The following MAN1C1 variants were observed in gnomAD, a reference collection of about 807,000 sequenced individuals.
MAN1C1 encodes mannosyl-oligosaccharide 1,2-alpha-mannosidase IC.
Under a neutral mutation model 71.5 loss-of-function variants are expected in MAN1C1, and 49 were observed. The ratio of observed to expected loss-of-function variants is 0.69; its 90% CI spans 0.54 to 0.87. The LOEUF is 0.87. Ranked by LOEUF, MAN1C1 falls within the 40% of genes least tolerant of loss-of-function variation. The pLI, the probability that MAN1C1 is intolerant of heterozygous loss-of-function variation, is 0.00. For synonymous variants in MAN1C1, 352 were observed against 343.7 expected (o/e 1.02, Z -0.27); for missense variants, 743 against 835.0 (o/e 0.89, Z 1.36).
In MAN1C1 at chr1:25,616,818, G is replaced by A. The variant is rs1202039257; in HGVS notation, c.-980G>A. On this transcript the variant is annotated 5_prime_UTR_variant, in exon 1 of 12. Coordinates refer to ENST00000374332, the MANE Select transcript of MAN1C1 (RefSeq NM_020379.4). The surrounding 1 kb of genome is among the most constrained non-coding windows in gnomAD (Gnocchi z 5.6). ...TGAAAGCCCGAGCGGCGGCGGCGGC[G>A]GGGACGGCGGTGGAGGCGGCCGGGT... Among the ~76,000 whole-genome samples the A allele has an allele frequency of 6.8e-6, 1 of 148,008 alleles. No homozygotes were observed. The highest frequency in any genetic ancestry group is 1.5e-5 in the Non-Finnish European group (1 of 66,426).
At chr1:25,665,071 G>A (rs575836484) in intron 1 of MAN1C1, among the ~76,000 whole-genome samples, 2 of 152,184 alleles carry the variant, frequency 1.3e-5, no homozygotes, top group Non-Finnish European at 2.9e-5. Context: ...AAAGGTGCAC[G>A]GCCTGTGTAG....
At chr1:25,690,797 G>A (rs948378264) in intron 2 of MAN1C1, among the ~76,000 whole-genome samples, 4 of 152,234 alleles carry the variant, frequency 2.6e-5, no homozygotes, top group African/African-American at 4.8e-5. Flanking sequence ...GCTTAGCCCC[G>A]TGCCAGGCAC....
rs774445072 is a variant in MAN1C1, at chr1:25,672,000, G to A, written c.541-14440G>A. Among the ~76,000 whole-genome samples, 59 of 152,348 alleles carry A rather than the reference G, an allele frequency of 3.9e-4. 1 individual carries two copies. Among genetic ancestry groups the A allele is most frequent in the Middle Eastern group, 3.4e-3 (1 of 294 alleles). ...TCCACAACAGGCCATCTGTAAACTG[G>A]AGAAGCAGAGAAGCCAGTAGCATGG... On this transcript the variant is annotated intron_variant, in intron 1 of 11. Transcript: ENST00000374332.
chr1:25,652,858 C>T (rs376628686), intron 1 of MAN1C1, among the ~76,000 whole-genome samples: 9 of 152,302 alleles, frequency 5.9e-5, no homozygotes, highest in African/African-American at 1.7e-4. Context: ...CAGGCTCAAG[C>T]GATCCTCCCA....
Position 25,686,843 on chromosome 1 carries a change from C to T in MAN1C1, c.637+307C>T, listed in dbSNP as rs553646221. Among the ~76,000 whole-genome samples the T allele has an allele frequency of 2.0e-4, 31 of 152,240 alleles. No homozygotes were observed. The South Asian group carries it at 5.8e-3, about 29-fold the overall frequency. ...ATAGTGAAGGATGGAGATTTGTTTC[C>T]GTGGAGGTTTGGAGACCTAAAGGAC... On this transcript the variant is annotated intron_variant, in intron 2 of 11. Coordinates refer to ENST00000374332, the MANE Select transcript of MAN1C1 (RefSeq NM_020379.4).
At chr1:25,744,846 A>G (rs867118807) in intron 2 of MAN1C1, among the ~76,000 whole-genome samples, 5 of 152,304 alleles carry the variant, frequency 3.3e-5, no homozygotes, top group Non-Finnish European at 4.4e-5. Context: ...AGTGGGCTCA[A>G]CAGGCTCCAG....
chr1:25,677,587 C>G (rs1182548398), intron 1 of MAN1C1, among the ~76,000 whole-genome samples: 1 of 152,098 alleles, frequency 6.6e-6, no homozygotes, highest in Admixed American at 6.6e-5. Flanking sequence ...CTGGCCCTTT[C>G]CCCAGTCAGC....
intron 8 of MAN1C1, among the ~76,000 whole-genome samples, chr1:25,772,804 C>A (rs542081159): frequency 6.6e-6 from 1 of 152,336 alleles, no homozygotes; most frequent in South Asian, 2.1e-4. Context: ...ACCCTGACTT[C>A]ACGCCTGCCT....
In MAN1C1 at chr1:25,631,504, G is replaced by A. The variant is rs1169169399; in HGVS notation, c.540+13167G>A. ...TTTTTCTGCAACTATTGAGATGATCGTATGGTTTTTGTTTTTAATTCTGTT... is the reference window on the plus strand; with the variant it reads ...TTTTTCTGCAACTATTGAGATGATCATATGGTTTTTGTTTTTAATTCTGTT... On this transcript the variant is annotated intron_variant, in intron 1 of 11. Transcript: ENST00000374332. The surrounding 1 kb of genome is among the most constrained non-coding windows in gnomAD (Gnocchi z 4.2). 6.6e-6 allele frequency among the ~76,000 whole-genome samples: 1 copy of A among 151,976 alleles called. No homozygotes were observed. Among genetic ancestry groups the A allele is most frequent in the African/African-American group, 2.4e-5 (1 of 41,366 alleles).
At position 25,771,661 on chromosome 1, in the gene MAN1C1, T is replaced by C. The variant is rs746204233; in HGVS notation, c.1146T>C (p.His382=). The C allele has an allele frequency of 6.2e-7, 1 of 1,611,430 alleles. No homozygotes were observed. The highest frequency in any genetic ancestry group is 1.7e-5 in the Admixed American group (1 of 60,026). The change falls in exon 8 of 12, where the codon CAT becomes CAC. Residue 382 remains histidine, a synonymous_variant. Coordinates refer to ENST00000374332, the MANE Select transcript of MAN1C1 (RefSeq NM_020379.4). The stretch of plus-strand genomic sequence containing the variant: ...TTGTCCTCTTTCCCTTCACAGACCA[T>C]GTCTCAGTTGGAGGACTCGGGGACA... ...SPVSGNWVQH[H]VSVGGLGDSF...
chr1:25,757,911 G>C (rs187267453), intron 5 of MAN1C1, among the ~76,000 whole-genome samples: 1 of 152,214 alleles, frequency 6.6e-6, no homozygotes, highest in Non-Finnish European at 1.5e-5. Flanking sequence ...CTTGTTTACC[G>C]CGTTTGCAAA....
At chr1:25,695,596 G>A (rs114703774) in intron 2 of MAN1C1, among the ~76,000 whole-genome samples, 6 of 150,556 alleles carry the variant, frequency 4.0e-5, no homozygotes, top group African/African-American at 1.2e-4. Context: ...CACTCACACC[G>A]CCGACCGACC....
intron 2 of MAN1C1, among the ~76,000 whole-genome samples, chr1:25,731,082 C>T (rs2046902612): frequency 6.6e-6 from 1 of 152,142 alleles, no homozygotes; most frequent in Admixed American, 6.5e-5. Flanking sequence ...TTTGGGAGGT[C>T]GAGGTGGACA....
At chr1:25,673,917 T>C (rs1365127934) in intron 1 of MAN1C1, among the ~76,000 whole-genome samples, 1 of 152,232 alleles carries the variant, frequency 6.6e-6, no homozygotes, top group Non-Finnish European at 1.5e-5. Context: ...CACTTGCACA[T>C]GGGCAGGTTT....
chr1:25,689,970 C>T (rs1408613047), intron 2 of MAN1C1, among the ~76,000 whole-genome samples: 1 of 152,192 alleles, frequency 6.6e-6, no homozygotes, highest in Non-Finnish European at 1.5e-5. Context: ...CTGAGATTTA[C>T]AGGAGCTGCA....
chr1:25,623,078 C>T (rs1329451772), intron 1 of MAN1C1, among the ~76,000 whole-genome samples: 3 of 152,214 alleles, frequency 2.0e-5, no homozygotes, highest in Non-Finnish European at 4.4e-5. Flanking sequence ...GCCCTTCAGT[C>T]TCTTCCGTTT....
rs1354702326 is a variant in MAN1C1 at position 25,782,480 on chromosome 1, TG to T, written c.1651-104del. 12 of 698,252 alleles carry T rather than the reference TG, an allele frequency of 1.7e-5. No homozygotes were observed. The highest frequency in any genetic ancestry group is 1.6e-4 in the South Asian group (9 of 58,052). 43.3% of individuals were successfully genotyped at this position (698,252 alleles called of 1,614,324 possible). Reference sequence around the variant, plus strand: ...GTCCCCAGCCAAGGGGTGGGGGTGCTGTCTGCTTTCTTCTAGCTCCAGCCTG... The same window carrying T: ...GTCCCCAGCCAAGGGGTGGGGGTGCTTCTGCTTTCTTCTAGCTCCAGCCTG... On this transcript the variant is annotated intron_variant, in intron 10 of 11. Coordinates refer to ENST00000374332, the MANE Select transcript of MAN1C1 (RefSeq NM_020379.4). This position sits in a 1 kb window ranked among gnomAD's most constrained non-coding sequence, Gnocchi z 4.4.
intron 1 of MAN1C1, among the ~76,000 whole-genome samples, chr1:25,622,814 A>T (rs2045234527): frequency 6.6e-6 from 1 of 152,138 alleles, no homozygotes; most frequent in Non-Finnish European, 1.5e-5. Flanking sequence ...ATCTTGGCAA[A>T]TGATCTTTGC....
rs2280998 is a variant in MAN1C1 at position 25,782,087 on chromosome 1, G to A, written c.1651-498G>A. On this transcript the variant is annotated intron_variant, in intron 10 of 11. Transcript: ENST00000374332. The surrounding 1 kb of genome is among the most constrained non-coding windows in gnomAD (Gnocchi z 4.4). ...GCGACAAAATGAGACCTTGTCTCAA[G>A]AAAAAAAAATGCATTTATATAGAAA... Among the ~76,000 whole-genome samples the A allele has an allele frequency of 0.61, 91,175 of 150,294 alleles. 27,778 individuals carry two copies. The highest frequency in any genetic ancestry group is 0.78 in the Middle Eastern group (224 of 286).
Sources: gnomAD v4.1 joint callset for allele counts (sites outside exome capture counted in the v4.1 genomes callset) on GRCh38, gnomAD v4.1.1 for gene constraint, Gnocchi (gnomAD v3.1) non-coding constraint, MANE v1.5 for transcripts, NCBI Gene and HGNC (gene_info 2026-07-23, HGNC 2026-07-21) for gene names.